Variants in ZNF92 observed in about 807,000 individuals in gnomAD.
The protein encoded by ZNF92 is epididymis luminal protein 203.
A neutral mutation model predicts 12.4 loss-of-function variants in ZNF92; 11 were observed. The observed-to-expected ratio is 0.89, with a 90% CI of 0.56 to 1.47. ZNF92 has a LOEUF of 1.47. Among genes scored for constraint, ZNF92 ranks in the 40% most tolerant of loss-of-function variants. ZNF92 has a pLI of 0.00. For missense variants in ZNF92, 622 were observed against 681.0 expected (o/e 0.91, Z 0.96); for synonymous variants, 206 against 228.6 (o/e 0.90, Z 0.89).
At chr7:65,386,071 G>GT (rs1364810525) in intron 1 of ZNF92, among the ~76,000 whole-genome samples, 2 of 151,970 alleles carry the variant, frequency 1.3e-5, no homozygotes, top group African/African-American at 4.8e-5. Context: ...CCAGGCTGGA[G>GT]TGCAGCGGCA....
intron 1 of ZNF92, among the ~76,000 whole-genome samples, chr7:65,377,603 C>T (rs1793280978): frequency 1.2e-5 from 1 of 82,804 alleles, no homozygotes; most frequent in Non-Finnish European, 2.1e-5. Flanking sequence ...AGTGCACTGG[C>T]GCGATCTAGA....
intron 1 of ZNF92, among the ~76,000 whole-genome samples, chr7:65,377,464 G>A (rs534918760): frequency 6.6e-6 from 1 of 152,242 alleles, no homozygotes; most frequent in African/African-American, 2.4e-5. Context: ...GGGATTGGGA[G>A]GGTCTTACTG....
Position 65,398,494 on chromosome 7 carries a change from AAGG to A in ZNF92, c.384_386del (p.Gly129del). 2.5e-6 allele frequency: 4 copies of A among 1,613,218 alleles called. No individual in the cohort carries two copies. Among genetic ancestry groups the A allele is most frequent in the Non-Finnish European group, 2.5e-6 (3 of 1,179,674 alleles). ...AGTGTGGATGCATGTAAGGTGTACAAAGGAGGTTATAATGGACTTAACCAGTGT... is the reference window on the plus strand; with the variant it reads ...AGTGTGGATGCATGTAAGGTGTACAAAGGTTATAATGGACTTAACCAGTGT... On this transcript the variant is annotated inframe_deletion, in exon 4 of 4. Coordinates refer to ENST00000328747, the MANE Select transcript of ZNF92 (RefSeq NM_152626.4).
chr7:65,377,294 G>T (rs1056531545), intron 1 of ZNF92, among the ~76,000 whole-genome samples: 11 of 152,062 alleles, frequency 7.2e-5, no homozygotes, highest in African/African-American at 2.7e-4. Flanking sequence ...GCAAAAGGAG[G>T]TTATTAAAGG....
At chr7:65,377,857 G>A (rs571797348) in intron 1 of ZNF92, among the ~76,000 whole-genome samples, 9 of 152,204 alleles carry the variant, frequency 5.9e-5, no homozygotes, top group African/African-American at 1.4e-4. Context: ...GAGCCACTGC[G>A]CCCAGCCTGG....
rs1793973966 is a variant in ZNF92, at chr7:65,400,133, A to T, written c.*258A>T. 3.2e-6 allele frequency: 1 copy of T among 313,444 alleles called. No individual in the cohort carries two copies. The highest frequency in any genetic ancestry group is 5.9e-6 in the Non-Finnish European group (1 of 170,866). 19.4% of individuals were successfully genotyped at this position (313,444 alleles called of 1,614,324 possible). On this transcript the variant is annotated 3_prime_UTR_variant, in exon 4 of 4. Coordinates refer to ENST00000328747, the MANE Select transcript of ZNF92 (RefSeq NM_152626.4). ...TAAAGAATATGGAAAAGCCATTTATATCTGCTCACATGTAAAAACATCAGT... is the reference window on the plus strand; with the variant it reads ...TAAAGAATATGGAAAAGCCATTTATTTCTGCTCACATGTAAAAACATCAGT...
At position 65,398,497 on chromosome 7, in the gene ZNF92, G is replaced by A. The variant is rs754936372; in HGVS notation, c.383G>A (p.Gly128Glu). The change falls in exon 4 of 4, where the codon GGA becomes GAA. Residue 128 changes from glycine to glutamate, a missense_variant. Gly to Glu is a moderately conservative substitution (Grantham distance 98). Coordinates refer to ENST00000328747, the MANE Select transcript of ZNF92 (RefSeq NM_152626.4). ...KSVDACKVYK[G>E]GYNGLNQCLT... ...GTGGATGCATGTAAGGTGTACAAAG[G>A]AGGTTATAATGGACTTAACCAGTGT... The A allele has an allele frequency of 5.0e-6, 8 of 1,612,924 alleles. No individual in the cohort carries two copies. In the African/African-American group the frequency reaches 1.1e-4, roughly 22 times the overall value.
chr7:65,386,981 C>A (rs1382073826), intron 1 of ZNF92, among the ~76,000 whole-genome samples: 2 of 150,388 alleles, frequency 1.3e-5, no homozygotes, highest in Middle Eastern at 3.4e-3. Context: ...CTCTCGTTCC[C>A]CAGGCTAGAG....
chr7:65,376,953 T>C (rs1793259810), intron 1 of ZNF92, among the ~76,000 whole-genome samples: 1 of 152,178 alleles, frequency 6.6e-6, no homozygotes, highest in South Asian at 2.1e-4. Context: ...ATGTCTGTTC[T>C]ATACCATGTT....
rs912345064 is a variant in ZNF92 at position 65,381,185 on chromosome 7, A to AT, written c.4-6709dup. ...CCCACCATGCCTGACTAATTTTTGT[A>AT]TTTTTTTTAGTAGAGACGGGGGTTT... is the stretch of plus-strand genomic sequence containing the variant. On this transcript the variant is annotated intron_variant, in intron 1 of 3. Coordinates refer to ENST00000328747, the MANE Select transcript of ZNF92 (RefSeq NM_152626.4). Among the ~76,000 whole-genome samples, 24 of 150,804 alleles carry AT rather than the reference A, an allele frequency of 1.6e-4. No individual in the cohort carries two copies. The South Asian group carries it at 4.0e-3, about 25-fold the overall frequency.
chr7:65,380,551 C>T lies in ZNF92; in HGVS notation c.3+6551C>T, dbSNP rs1473415981. Reference sequence around the variant, plus strand: ...CCTGCCAAAGTGCTGGGATTACAGGCGTGAACCACTATGCTCAACCACAAT... The same window carrying T: ...CCTGCCAAAGTGCTGGGATTACAGGTGTGAACCACTATGCTCAACCACAAT... On this transcript the variant is annotated intron_variant, in intron 1 of 3. Transcript: ENST00000328747. Among the ~76,000 whole-genome samples the T allele has an allele frequency of 2.0e-5, 3 of 152,258 alleles. 1 individual carries two copies. The South Asian group carries it at 6.2e-4, about 32-fold the overall frequency.
At chr7:65,391,886 T>G (rs1019091231) in intron 3 of ZNF92, among the ~76,000 whole-genome samples, 2 of 152,106 alleles carry the variant, frequency 1.3e-5, no homozygotes, top group Admixed American at 6.6e-5. Context: ...ACAGTTACAC[T>G]CAAATATTGC....
In ZNF92 at chr7:65,399,068, T is replaced by C. The variant is rs1562799191; in HGVS notation, c.954T>C (p.Cys318=). ...ATAAACCCTACAAATGTGAAGAATG[T>C]GGCAAAGCCTTTAGAGTATTCTCAA... The part of the protein sequence containing the change: ...MEDKPYKCEE[C]GKAFRVFSIL... The change falls in exon 4 of 4, where the codon TGT becomes TGC. Residue 318 remains cysteine, a synonymous_variant. Transcript: ENST00000328747. 1 of 1,613,308 alleles carries C rather than the reference T, an allele frequency of 6.2e-7. No homozygotes were observed.
At chr7:65,379,943 G>A (rs1402132970) in intron 1 of ZNF92, among the ~76,000 whole-genome samples, 4 of 152,042 alleles carry the variant, frequency 2.6e-5, no homozygotes, top group Non-Finnish European at 5.9e-5. Context: ...TGGGTGTTTG[G>A]TGTAGACTAT....
chr7:65,388,066 A>G (rs1156961001), intron 2 of ZNF92, 38 bp downstream of exon 2: 6 of 1,551,186 alleles, frequency 3.9e-6, no homozygotes, highest in Non-Finnish European at 4.3e-6. Flanking sequence ...CAATGCTCTA[A>G]AAGTTTCATT....
At chr7:65,383,890 T>G (rs960344050) in intron 1 of ZNF92, among the ~76,000 whole-genome samples, 9 of 152,088 alleles carry the variant, frequency 5.9e-5, no homozygotes, top group African/African-American at 1.4e-4. Context: ...CTAGGCATCT[T>G]TGAAACATTT....
chr7:65,382,136 AG>A (rs1166554216), intron 1 of ZNF92, among the ~76,000 whole-genome samples: 1 of 152,078 alleles, frequency 6.6e-6, no homozygotes, highest in East Asian at 1.9e-4. Flanking sequence ...CCCAGTTGCC[AG>A]GTGAATTTAG....
intron 3 of ZNF92, among the ~76,000 whole-genome samples, chr7:65,394,392 T>C (rs1437271732): frequency 6.6e-6 from 1 of 152,102 alleles, no homozygotes; most frequent in Non-Finnish European, 1.5e-5. Flanking sequence ...CTCTCTATTC[T>C]GTTCTTTCAT....
chr7:65,387,881 G>C (rs779285240), intron 1 of ZNF92, 21 bp from the exon 2 acceptor site: 7 of 1,395,972 alleles, frequency 5.0e-6, no homozygotes, highest in Non-Finnish European at 6.8e-6. Context: ...GTGTGTTTGT[G>C]TGTGTGTGTG....
Sources: gnomAD v4.1 joint callset for allele counts (sites outside exome capture counted in the v4.1 genomes callset) on GRCh38, gnomAD v4.1.1 for gene constraint, MANE v1.5 for transcripts, NCBI Gene and HGNC (gene_info 2026-07-23, HGNC 2026-07-21) for gene names.